Variants in SLC12A4 observed in about 807,000 individuals in gnomAD.
SLC12A4 encodes electroneutral potassium-chloride cotransporter 1.
Under a neutral mutation model 119.2 loss-of-function variants are expected in SLC12A4, and 84 were observed. The observed-to-expected ratio is 0.70, with a 90% CI of 0.59 to 0.85. SLC12A4 has a LOEUF of 0.85. SLC12A4 is among the 40% of genes least tolerant of loss of function. SLC12A4 has a pLI of 0.00. For missense variants in SLC12A4, 1,298 were observed against 1,476.3 expected (o/e 0.88, Z 1.98); for synonymous variants, 599 against 604.6 (o/e 0.99, Z 0.14).
At chr16:67,958,150 G>T in intron 3 of SLC12A4, 106 bp from the exon 4 acceptor site, 1 of 1,173,154 alleles carries the variant, frequency 8.5e-7, no homozygotes, top group Non-Finnish European at 1.2e-6. Flanking sequence ...GGGCCCCAGG[G>T]AACACAGAGA....
Position 67,947,366 on chromosome 16 carries a change from C to G in SLC12A4, c.2037G>C (p.Arg679=). Residue 679 remains arginine, a synonymous_variant, in exon 16 of 24, where the codon CGG becomes CGC. Transcript: ENST00000316341. The part of the protein sequence containing the change: ...SLSAARYALL[R]LEEGPPHTKN... ...TGGTGTGAGGAGGCCCCTCCTCCAG[C>G]CGCAACAGCGCGTAGCGGGCAGCGC... 1 of 1,612,776 alleles carries G rather than the reference C, an allele frequency of 6.2e-7. No homozygotes were observed.
intron 21 of SLC12A4, 71 bp downstream of exon 21, chr16:67,945,693 C>T (rs2058335972): frequency 2.6e-6 from 4 of 1,524,924 alleles, no homozygotes; most frequent in Non-Finnish European, 3.6e-6. Flanking sequence ...GATTCCTCCG[C>T]ACCCACCGAT....
In SLC12A4 at chr16:67,950,257, T is replaced by C; in HGVS notation, c.1629+62A>G. ...GTGCTGCATCTGTGTTCCCTATCTC[T>C]CTCCCCAGCCGGGCGAGGGCCTGGG... On this transcript the variant is annotated intron_variant, in intron 12 of 23. Transcript: ENST00000316341. The surrounding 1 kb of genome is among the most constrained non-coding windows in gnomAD (Gnocchi z 4.3). 6.4e-6 allele frequency: 10 copies of C among 1,568,424 alleles called. No homozygotes were observed. The highest frequency in any genetic ancestry group is 8.7e-6 in the Non-Finnish European group (10 of 1,153,636).
In SLC12A4 at chr16:67,968,634, A is replaced by C; in HGVS notation, c.-81T>G. On this transcript the variant is annotated 5_prime_UTR_variant, in exon 1 of 24. Coordinates refer to ENST00000316341, the MANE Select transcript of SLC12A4 (RefSeq NM_005072.5). Reference sequence around the variant, plus strand: ...CCGCTGTCCCCGCCGCCCCGGGCCGACACGCCCCGCCCGCTCGCATTCCTC... The same window carrying C: ...CCGCTGTCCCCGCCGCCCCGGGCCGCCACGCCCCGCCCGCTCGCATTCCTC... 7.7e-7 allele frequency: 1 copy of C among 1,300,442 alleles called. No homozygotes were observed. Among genetic ancestry groups the C allele is most frequent in the Non-Finnish European group, 9.7e-7 (1 of 1,031,620 alleles). 80.6% of individuals were successfully genotyped at this position (1,300,442 alleles called of 1,614,324 possible).
rs765971549 is a variant in SLC12A4 at position 67,944,045 on chromosome 16, G to T, written c.*795C>A. On this transcript the variant is annotated 3_prime_UTR_variant, in exon 24 of 24. Coordinates refer to ENST00000316341, the MANE Select transcript of SLC12A4 (RefSeq NM_005072.5). This position sits in a 1 kb window ranked among gnomAD's most constrained non-coding sequence, Gnocchi z 6.6. ...GGAGCCAGAAGGGGGCGGCAGGAGG[G>T]AGCAGCAGCCCCAGCAGCAGCGTCA... is the stretch of plus-strand genomic sequence containing the variant. The T allele has an allele frequency of 1.9e-6, 3 of 1,547,734 alleles. No homozygotes were observed. In the African/African-American group the frequency reaches 4.1e-5, roughly 21 times the overall value.
chr16:67,964,147 T>C, intron 1 of SLC12A4: 1 of 1,458,826 alleles, frequency 6.9e-7, no homozygotes, highest in Non-Finnish European at 9.1e-7. Flanking sequence ...GGAAGTGGAT[T>C]CCAGGAGCCT....
In SLC12A4 at chr16:67,968,516, CT is replaced by C; in HGVS notation, c.37del (p.Arg13GlyfsTer129). ...CTCGAGGTTGTCATAGTCGCCGCGC[CT>C]CGGCCCGTCCACTGGCACCACGGTG... ...HFTVVPVDGPRRGDYDNLEGL... is the reference protein window; with the variant it reads ...HFTVVPVDGPXRGDYDNLEGL... On this transcript the variant is annotated frameshift_variant, in exon 1 of 24. Transcript: ENST00000316341. LOFTEE classifies it high-confidence loss of function. 6.3e-7 allele frequency: 1 copy of C among 1,582,980 alleles called. No homozygotes were observed. The highest frequency in any genetic ancestry group is 8.6e-7 in the Non-Finnish European group (1 of 1,169,372).
At position 67,944,153 on chromosome 16, in the gene SLC12A4, TGGTGTG is replaced by T; in HGVS notation, c.*681_*686del. 1 of 1,530,404 alleles carries T rather than the reference TGGTGTG, an allele frequency of 6.5e-7. No homozygotes were observed. The highest frequency in any genetic ancestry group is 1.2e-5 in the South Asian group (1 of 83,018). The allele number at this position is 1,530,404 out of a possible 1,614,324, so 94.8% of individuals were successfully genotyped here. On this transcript the variant is annotated 3_prime_UTR_variant, in exon 24 of 24. Coordinates refer to ENST00000316341, the MANE Select transcript of SLC12A4 (RefSeq NM_005072.5). This position sits in a 1 kb window ranked among gnomAD's most constrained non-coding sequence, Gnocchi z 6.6. ...AAAGCGGCACTGGGCTGTCCTTATCTGGTGTGGGAGTGGGAGGGGCCCTAGGGCCAG... is the reference window on the plus strand; with the variant it reads ...AAAGCGGCACTGGGCTGTCCTTATCTGGAGTGGGAGGGGCCCTAGGGCCAG...
chr16:67,946,508 G>A lies in SLC12A4; in HGVS notation c.2367C>T (p.Asn789=), dbSNP rs779014395. 2.5e-6 allele frequency: 4 copies of A among 1,609,718 alleles called. No homozygotes were observed. Among genetic ancestry groups the A allele is most frequent in the Admixed American group, 1.7e-5 (1 of 60,016 alleles). ...CGTAGGGCCAGCCCAGCACCACGGAGTTATGCCGCATGCCTCCCAGGCCAC... is the reference window on the plus strand; with the variant it reads ...CGTAGGGCCAGCCCAGCACCACGGAATTATGCCGCATGCCTCCCAGGCCAC... ...QSCGLGGMRH[N]SVVLGWPYGW... The change falls in exon 18 of 24, where the codon AAC becomes AAT. Residue 789 remains asparagine, a synonymous_variant. Coordinates refer to ENST00000316341, the MANE Select transcript of SLC12A4 (RefSeq NM_005072.5).
At position 67,954,792 on chromosome 16, in the gene SLC12A4, A is replaced by G; in HGVS notation, c.545-19T>C. ...CCCCCAGCTACAGCAGAGAAATGAA[A>G]GTGTGCACAGGTCAAGGCTGGTTCT... is the stretch of plus-strand genomic sequence containing the variant. On this transcript the variant is annotated intron_variant, in intron 5 of 23. Coordinates refer to ENST00000316341, the MANE Select transcript of SLC12A4 (RefSeq NM_005072.5). The G allele has an allele frequency of 6.2e-7, 1 of 1,614,148 alleles. No homozygotes were observed. Among genetic ancestry groups the G allele is most frequent in the Non-Finnish European group, 8.5e-7 (1 of 1,180,000 alleles).
Position 67,968,446 on chromosome 16 carries a change from G to A in SLC12A4, c.108C>T (p.Asp36=). Residue 36 remains aspartate, a synonymous_variant, in exon 1 of 24, where the codon GAC becomes GAT. Transcript: ENST00000316341. ...CTCAGAACGCGCCCTCACCGTCCGA[G>A]TCATCCAGCTCGGCGCGCTCCCCGT... ...VDYGERAELD[D]SDGHGNHRES... is the part of the protein sequence containing the mutation. 1 of 1,573,664 alleles carries A rather than the reference G, an allele frequency of 6.4e-7. No individual in the cohort carries two copies. Among genetic ancestry groups the A allele is most frequent in the South Asian group, 1.1e-5 (1 of 87,896 alleles).
chr16:67,957,907 G>T lies in SLC12A4; in HGVS notation c.480C>A (p.Cys160Ter). Residue 160 changes from cysteine (C) to a stop codon, truncating the protein, a stop_gained, in exon 4 of 24, where the codon TGC becomes TGA. Transcript: ENST00000316341. LOFTEE classifies it high-confidence loss of function. Reference protein sequence around the residue: ...VLQALLIVLICCCCTLLTAIS... With the variant: ...VLQALLIVLI Reference sequence around the variant, plus strand: ...ACGCCAGGACACTCACACAACAGCAGCAGATAAGCACGATGAGGAGGGCCT... The same window carrying T: ...ACGCCAGGACACTCACACAACAGCATCAGATAAGCACGATGAGGAGGGCCT... 6.2e-7 allele frequency: 1 copy of T among 1,614,130 alleles called. No homozygotes were observed. Among genetic ancestry groups the T allele is most frequent in the South Asian group, 1.1e-5 (1 of 91,086 alleles).
At chr16:67,946,372 C>T in intron 18 of SLC12A4, 32 bp from the exon 19 acceptor site, 1 of 1,604,692 alleles carries the variant, frequency 6.2e-7, no homozygotes, top group Non-Finnish European at 8.5e-7. Context: ...GACCACCAGT[C>T]TGTGGCCCTC....
At position 67,951,635 on chromosome 16, in the gene SLC12A4, G is replaced by A. The variant is rs898665914; in HGVS notation, c.1132+188C>T. The A allele has an allele frequency of 3.8e-5, 24 of 628,332 alleles. No homozygotes were observed. Among genetic ancestry groups the A allele is most frequent in the Non-Finnish European group, 5.8e-5 (21 of 362,092 alleles). The allele number at this position is 628,332 out of a possible 1,614,324, so 38.9% of individuals were successfully genotyped here. ...AGACAGGCTGCTGCAGGCCTTGGAC[G>A]CTGGCCAGACAGGCTCCACTCACTC... is the stretch of plus-strand genomic sequence containing the variant. On this transcript the variant is annotated intron_variant, in intron 8 of 23. Coordinates refer to ENST00000316341, the MANE Select transcript of SLC12A4 (RefSeq NM_005072.5). This position sits in a 1 kb window ranked among gnomAD's most constrained non-coding sequence, Gnocchi z 5.2.
chr16:67,966,662 C>T, intron 1 of SLC12A4: 2 of 1,497,932 alleles, frequency 1.3e-6, no homozygotes, highest in South Asian at 2.5e-5. Context: ...GGGCACTGAA[C>T]TGGGGAAGGG....
chr16:67,950,003 C>T lies in SLC12A4; in HGVS notation c.1630-85G>A. 1 of 1,080,910 alleles carries T rather than the reference C, an allele frequency of 9.3e-7. No homozygotes were observed. The highest frequency in any genetic ancestry group is 1.4e-6 in the Non-Finnish European group (1 of 714,472). 67.0% of individuals were successfully genotyped at this position (1,080,910 alleles called of 1,614,324 possible). On this transcript the variant is annotated intron_variant, in intron 12 of 23. Transcript: ENST00000316341. This position sits in a 1 kb window ranked among gnomAD's most constrained non-coding sequence, Gnocchi z 4.3. ...GACCCCAGCCTGGCCTCCCTCACCCCCAGGGCCCGCCTTGGGGGCTCAGGC... is the reference window on the plus strand; with the variant it reads ...GACCCCAGCCTGGCCTCCCTCACCCTCAGGGCCCGCCTTGGGGGCTCAGGC...
At chr16:67,959,913 C>T (rs564111612) in intron 3 of SLC12A4, among the ~76,000 whole-genome samples, 48 of 152,252 alleles carry the variant, frequency 3.2e-4, no homozygotes, top group African/African-American at 1.0e-3. Flanking sequence ...GGCCCCTGCT[C>T]GGGCCTGCCC....
intron 1 of SLC12A4, among the ~76,000 whole-genome samples, chr16:67,966,096 C>T (rs2030859175): frequency 6.6e-6 from 1 of 152,204 alleles, no homozygotes; most frequent in Non-Finnish European, 1.5e-5. Flanking sequence ...GACCTTCCCC[C>T]GTGTGACCCA....
chr16:67,967,338 T>C (rs1029539618), intron 1 of SLC12A4, among the ~76,000 whole-genome samples: 4 of 152,202 alleles, frequency 2.6e-5, no homozygotes, highest in Non-Finnish European at 4.4e-5. Context: ...ATCTCCATCA[T>C]GATCGGTCAC....
Sources: gnomAD v4.1 joint callset for allele counts (sites outside exome capture counted in the v4.1 genomes callset) on GRCh38, gnomAD v4.1.1 for gene constraint, Gnocchi (gnomAD v3.1) non-coding constraint, MANE v1.5 for transcripts, NCBI Gene and HGNC (gene_info 2026-07-23, HGNC 2026-07-21) for gene names.